Variants in PKIA observed in about 807,000 individuals in gnomAD.
PKIA encodes the protein cAMP-dependent protein kinase inhibitor alpha.
Under a neutral mutation model 7.6 loss-of-function variants are expected in PKIA, and 4 were observed. That is an observed-to-expected ratio of 0.52 (90% CI 0.26 to 1.20). The LOEUF is 1.20. Ranked by LOEUF, PKIA falls within the 50% of genes most tolerant of loss-of-function variation. PKIA has a pLI of 0.13. For missense variants in PKIA, 73 were observed against 86.2 expected (o/e 0.85, Z 0.61); for synonymous variants, 21 against 30.7 (o/e 0.68, Z 1.04).
intron 1 of PKIA, among the ~76,000 whole-genome samples, chr8:78,525,557 C>T (rs1809526060): frequency 6.6e-6 from 1 of 151,842 alleles, no homozygotes; most frequent in Non-Finnish European, 1.5e-5. Flanking sequence ...CAGTTTTAGG[C>T]AATACTTAAA....
intron 1 of PKIA, among the ~76,000 whole-genome samples, chr8:78,551,442 A>T (rs916531275): frequency 2.0e-5 from 3 of 151,990 alleles, no homozygotes; most frequent in African/African-American, 7.2e-5. Context: ...ATATAGCTAC[A>T]CTCACCCTCA....
intron 2 of PKIA, among the ~76,000 whole-genome samples, chr8:78,583,914 T>C (rs1175763023): frequency 1.3e-5 from 2 of 152,102 alleles, no homozygotes; most frequent in Admixed American, 1.3e-4. Flanking sequence ...AATGGGCTAA[T>C]TGAAGTCCCA....
chr8:78,571,873 C>G (rs556593946), intron 1 of PKIA, among the ~76,000 whole-genome samples: 1 of 151,942 alleles, frequency 6.6e-6, no homozygotes, highest in Non-Finnish European at 1.5e-5. Context: ...CATTGTCTGT[C>G]GCTCCTAGAT....
Position 78,588,781 on chromosome 8 carries a change from A to G in PKIA, c.-27-9577A>G, listed in dbSNP as rs568262138. Among the ~76,000 whole-genome samples the G allele has an allele frequency of 7.2e-5, 11 of 152,196 alleles. No homozygotes were observed. In the South Asian group the frequency reaches 2.1e-3, roughly 29 times the overall value. ...TGTAGAGGAAGCAGGGAAAATTAGT[A>G]TCTACCTCTTTTCCTATATGGGAGT... On this transcript the variant is annotated intron_variant, in intron 2 of 3. Transcript: ENST00000396418.
chr8:78,516,803 T>A (rs2118297272), intron 1 of PKIA, among the ~76,000 whole-genome samples: 1 of 152,290 alleles, frequency 6.6e-6, no homozygotes, highest in South Asian at 2.1e-4. Context: ...TACCTTCGCT[T>A]GAGTATTTTG....
At chr8:78,533,529 A>G (rs908505294) in intron 1 of PKIA, among the ~76,000 whole-genome samples, 6 of 152,136 alleles carry the variant, frequency 3.9e-5, no homozygotes, top group Non-Finnish European at 8.8e-5. Context: ...TAATTTTCAA[A>G]TAAGATTGTT....
chr8:78,586,237 A>G (rs1277807430), intron 2 of PKIA, among the ~76,000 whole-genome samples: 2 of 152,204 alleles, frequency 1.3e-5, no homozygotes, highest in African/African-American at 4.8e-5. Flanking sequence ...TTTATCAAAT[A>G]TATTAAAATG....
At chr8:78,543,434 G>A (rs1377496579) in intron 1 of PKIA, among the ~76,000 whole-genome samples, 1 of 152,042 alleles carries the variant, frequency 6.6e-6, no homozygotes, top group Admixed American at 6.6e-5. Flanking sequence ...AAAGTTTCAG[G>A]GACTCCAGGC....
chr8:78,534,909 C>G (rs1806482693), intron 1 of PKIA: 1 of 152,052 alleles, frequency 6.6e-6, no homozygotes, highest in Admixed American at 6.6e-5. Context: ...CCTATGGAAG[C>G]CAAAATGAAT....
intron 2 of PKIA, among the ~76,000 whole-genome samples, chr8:78,580,346 G>GA (rs930412685): frequency 5.9e-5 from 9 of 151,860 alleles, no homozygotes; most frequent in Non-Finnish European, 4.4e-5. Context: ...TATTCTCTAG[G>GA]AAAAAATATT....
intron 1 of PKIA, among the ~76,000 whole-genome samples, chr8:78,541,773 TG>T (rs1407707700): frequency 6.6e-6 from 1 of 151,938 alleles, no homozygotes; most frequent in Non-Finnish European, 1.5e-5. Context: ...TCACATTTTC[TG>T]GCTTCTTCAG....
intron 1 of PKIA, chr8:78,534,054 G>A (rs1405262906): frequency 6.6e-6 from 1 of 152,024 alleles, no homozygotes; most frequent in East Asian, 1.9e-4. Flanking sequence ...AACTCAAATA[G>A]TAATTATCCA....
chr8:78,548,836 C>A (rs1239802475), intron 1 of PKIA, among the ~76,000 whole-genome samples: 1 of 151,916 alleles, frequency 6.6e-6, no homozygotes, highest in Non-Finnish European at 1.5e-5. Flanking sequence ...TCTACATCTA[C>A]AATATATGAT....
intron 1 of PKIA, among the ~76,000 whole-genome samples, chr8:78,552,995 A>T (rs1208799882): frequency 6.6e-6 from 1 of 151,902 alleles, no homozygotes; most frequent in East Asian, 1.9e-4. Context: ...TGTATAATTT[A>T]AACTATCAGA....
chr8:78,534,529 AT>A (rs944113600), intron 1 of PKIA: 6 of 152,118 alleles, frequency 3.9e-5, no homozygotes, highest in Non-Finnish European at 8.8e-5. Flanking sequence ...ATCTTGACTC[AT>A]TCATGCACCA....
intron 2 of PKIA, among the ~76,000 whole-genome samples, chr8:78,584,965 T>C (rs976762446): frequency 6.6e-6 from 1 of 152,046 alleles, no homozygotes; most frequent in Non-Finnish European, 1.5e-5. Flanking sequence ...AATAATAATT[T>C]CTAGTTCTGC....
chr8:78,603,507 T>A lies in PKIA; in HGVS notation c.*1686T>A, dbSNP rs953560863. ...CAATCAGATATTACTAGAAAAAAAATTAATAATGTGAGCCTTTCCGAGAGC... is the reference window on the plus strand; with the variant it reads ...CAATCAGATATTACTAGAAAAAAAAATAATAATGTGAGCCTTTCCGAGAGC... On this transcript the variant is annotated 3_prime_UTR_variant, in exon 4 of 4. Coordinates refer to ENST00000396418, the MANE Select transcript of PKIA (RefSeq NM_006823.4). 6.6e-6 allele frequency: 1 copy of A among 151,856 alleles called. No homozygotes were observed. Among genetic ancestry groups the A allele is most frequent in the African/African-American group, 2.4e-5 (1 of 41,360 alleles). 9.4% of individuals were successfully genotyped at this position (151,856 alleles called of 1,614,324 possible). A position where few individuals can be genotyped will look rare whatever the true frequency, so the allele number is the denominator to read the frequency against.
chr8:78,541,662 G>A (rs1585880898), intron 1 of PKIA, among the ~76,000 whole-genome samples: 1 of 151,968 alleles, frequency 6.6e-6, no homozygotes, highest in Admixed American at 6.6e-5. Context: ...ATATTTTTCT[G>A]GATAGTCCAC....
chr8:78,598,240 C>A, intron 2 of PKIA, 118 bp from the exon 3 acceptor site: 1 of 503,020 alleles, frequency 2.0e-6, no homozygotes, highest in Non-Finnish European at 3.4e-6. Context: ...AAAGGCATTA[C>A]TTGTTTTGTG....
Sources: allele counts gnomAD v4.1 joint callset (sites outside exome capture counted in the v4.1 genomes callset), GRCh38; gene constraint gnomAD v4.1.1; transcripts MANE v1.5; gene names NCBI Gene and HGNC (gene_info 2026-07-23, HGNC 2026-07-21).